ABCC5: variants seen among roughly 807,000 people sequenced by gnomAD.
ABCC5 encodes ATP binding cassette subfamily C member 5.
ABCC5 carries 61 observed loss-of-function variants against 160.9 expected under a neutral mutation model. The observed-to-expected ratio is 0.38, with a 90% CI of 0.31 to 0.47. The LOEUF (loss-of-function observed/expected upper bound fraction) is 0.47. ABCC5 is among the 20% of genes least tolerant of loss of function. ABCC5 has a pLI of 0.99. For synonymous variants in ABCC5, 666 were observed against 700.6 expected (o/e 0.95, Z 0.78); for missense variants, 1,308 against 1,813.3 (o/e 0.72, Z 5.06).
chr3:183,950,275 T>G lies in ABCC5; in HGVS notation c.2945-150A>C. 3 of 930,946 alleles carry G rather than the reference T, an allele frequency of 3.2e-6. No homozygotes were observed. In the South Asian group the frequency reaches 6.9e-5, roughly 21 times the overall value. The allele number at this position is 930,946 out of a possible 1,614,324, so 57.7% of individuals were successfully genotyped here. Reference sequence around the variant, plus strand: ...CTGATCAAAGAAAAATTTAGAAACCTGGATGCTCTGATTTTTTTTTTTCGT... The same window carrying G: ...CTGATCAAAGAAAAATTTAGAAACCGGGATGCTCTGATTTTTTTTTTTCGT... On this transcript the variant is annotated intron_variant, in intron 20 of 29. Coordinates refer to ENST00000334444, the MANE Select transcript of ABCC5 (RefSeq NM_005688.4).
chr3:183,984,094 A>C (rs1473960471), intron 5 of ABCC5: 3 of 985,458 alleles, frequency 3.0e-6, no homozygotes, highest in Non-Finnish European at 3.6e-6. Flanking sequence ...AGGAAAGAGA[A>C]TTAAAAACAA....
intron 10 of ABCC5, among the ~76,000 whole-genome samples, chr3:183,974,389 C>T (rs1718032895): frequency 6.6e-6 from 1 of 152,174 alleles, no homozygotes; most frequent in Non-Finnish European, 1.5e-5. Context: ...CTCACTGCAA[C>T]CTCTGCCTCC....
intron 2 of ABCC5, among the ~76,000 whole-genome samples, chr3:183,996,399 A>G (rs1222867946): frequency 3.9e-5 from 6 of 152,242 alleles, no homozygotes; most frequent in Non-Finnish European, 7.3e-5. Flanking sequence ...AAACCTATTC[A>G]TAGAAAACTA....
At chr3:183,926,860 C>G (rs776405346) in intron 28 of ABCC5, among the ~76,000 whole-genome samples, 37 of 151,822 alleles carry the variant, frequency 2.4e-4, no homozygotes, top group Non-Finnish European at 2.1e-4. Flanking sequence ...TCCTGGCCAA[C>G]ATGGTGAAAC....
intron 17 of ABCC5, among the ~76,000 whole-genome samples, chr3:183,954,616 T>C (rs945431360): frequency 1.3e-5 from 2 of 152,220 alleles, no homozygotes. Context: ...ACTGGCTGGC[T>C]GCTGGAGGAG....
rs1293580139 is a variant in ABCC5 at position 183,957,776 on chromosome 3, GTA to G, written c.2482+1955_2482+1956del. ...CGTGTGTATATCACATCGGTTACAC[GTA>G]AATCCGTGTGTATATCACATCGGTT... On this transcript the variant is annotated intron_variant, in intron 17 of 29. Coordinates refer to ENST00000334444, the MANE Select transcript of ABCC5 (RefSeq NM_005688.4). Among the ~76,000 whole-genome samples, 1,138 of 145,662 alleles carry G rather than the reference GTA, an allele frequency of 7.8e-3. 1 individual carries two copies. The highest frequency in any genetic ancestry group is 0.011 in the African/African-American group (431 of 39,542).
At chr3:183,967,190 C>G (rs1717301454) in intron 12 of ABCC5, 1 of 169,430 alleles carries the variant, frequency 5.9e-6, no homozygotes, top group Admixed American at 5.8e-5. Context: ...GCCTTGCTCC[C>G]CACTGGACCA....
rs1713908170 is a variant in ABCC5, at chr3:183,937,953, T to C, written c.3802A>G (p.Ser1268Gly). ...TCTTGAGGAATGATAGAGAGTTTGCTTCGGAGGTCGGCAAGGCCAATATCA... is the reference window on the plus strand; with the variant it reads ...TCTTGAGGAATGATAGAGAGTTTGCCTCGGAGGTCGGCAAGGCCAATATCA... ...ISDIGLADLRSKLSIIPQEPV... is the reference protein window; with the variant it reads ...ISDIGLADLRGKLSIIPQEPV... The change falls in exon 26 of 30, where the codon AGC (serine) becomes GGC (glycine). Residue 1268 changes from serine to glycine, a missense_variant. This residue lies in a region of ABCC5 where 163 missense variants were observed against 269.7 expected (regional missense o/e 0.60). Coordinates refer to ENST00000334444, the MANE Select transcript of ABCC5 (RefSeq NM_005688.4). 5.0e-6 allele frequency: 8 copies of C among 1,614,186 alleles called. No homozygotes were observed. Among genetic ancestry groups the C allele is most frequent in the Non-Finnish European group, 5.1e-6 (6 of 1,180,028 alleles).
Position 184,014,308 on chromosome 3 carries a change from T to A in ABCC5, c.85A>T (p.Thr29Ser). 1 of 1,614,144 alleles carries A rather than the reference T, an allele frequency of 6.2e-7. No homozygotes were observed. Among genetic ancestry groups the A allele is most frequent in the Non-Finnish European group, 8.5e-7 (1 of 1,180,010 alleles). ...SVRERTSTSG[T>S]HRDREDSKFR... ...TTGGAATCTTCACGGTCTCTGTGCG[T>A]CCCAGAAGTGCTGGTTCTCTCCCTC... Residue 29 changes from threonine (T) to serine (S), a missense_variant, in exon 2 of 30, where the codon ACG becomes TCG. Transcript: ENST00000334444.
chr3:183,984,964 C>T, intron 5 of ABCC5: 2 of 1,343,806 alleles, frequency 1.5e-6, no homozygotes, highest in Non-Finnish European at 2.1e-6. Flanking sequence ...TTTTTCAGCA[C>T]TGGGTAATAG....
chr3:183,940,122 G>T (rs919874548), intron 25 of ABCC5, among the ~76,000 whole-genome samples: 1 of 152,128 alleles, frequency 6.6e-6, no homozygotes, highest in Non-Finnish European at 1.5e-5. Flanking sequence ...TCTTCCTAAT[G>T]CAACAATCCT....
chr3:184,003,794 G>A (rs571950962), intron 2 of ABCC5, among the ~76,000 whole-genome samples: 7 of 152,276 alleles, frequency 4.6e-5, no homozygotes, highest in Non-Finnish European at 1.0e-4. Context: ...TAAATTCCAA[G>A]GAACTTATTC....
chr3:183,975,285 T>C (rs1473161634), intron 10 of ABCC5, among the ~76,000 whole-genome samples: 1 of 152,124 alleles, frequency 6.6e-6, no homozygotes, highest in Non-Finnish European at 1.5e-5. Context: ...AATAGACATC[T>C]GAAGATAAGA....
chr3:183,954,946 A>C (rs1197203096), intron 17 of ABCC5, among the ~76,000 whole-genome samples: 1 of 152,164 alleles, frequency 6.6e-6, no homozygotes, highest in East Asian at 1.9e-4. Flanking sequence ...CTTAAAGGTC[A>C]AAGGTGAATT....
chr3:183,985,877 A>G, intron 5 of ABCC5: 1 of 181,882 alleles, frequency 5.5e-6, no homozygotes, highest in Middle Eastern at 2.7e-3. Flanking sequence ...ACAGAACACA[A>G]CAACTTGACT....
intron 3 of ABCC5, 123 bp downstream of exon 3, chr3:183,989,103 G>A (rs886548175): frequency 1.5e-4 from 147 of 995,092 alleles, no homozygotes; most frequent in Middle Eastern, 2.8e-4. Flanking sequence ...CCCAGGAGGC[G>A]GAGGTTGCAG....
chr3:183,939,763 T>TG (rs1314164443), intron 25 of ABCC5, among the ~76,000 whole-genome samples: 8 of 152,232 alleles, frequency 5.3e-5, no homozygotes, highest in African/African-American at 1.7e-4. Flanking sequence ...TCTACCTTTC[T>TG]GCAACTTGGT....
chr3:183,946,958 A>G (rs1412130276), intron 23 of ABCC5, among the ~76,000 whole-genome samples: 3 of 152,212 alleles, frequency 2.0e-5, no homozygotes, highest in African/African-American at 4.8e-5. Flanking sequence ...AAGCATATTG[A>G]GTCTATAACA....
intron 2 of ABCC5, among the ~76,000 whole-genome samples, chr3:184,008,469 A>AAGAACTAACAGCAAC (rs2108918193): frequency 6.6e-6 from 1 of 152,338 alleles, no homozygotes; most frequent in South Asian, 2.1e-4. Context: ...CTCAGGCTCA[A>AAGAACTAACAGCAAC]AGAACTAACA....
Sources: allele counts gnomAD v4.1 joint callset (sites outside exome capture counted in the v4.1 genomes callset), GRCh38; gene constraint gnomAD v4.1.1; regional missense constraint gnomAD v4.1.1; transcripts MANE v1.5; gene names NCBI Gene and HGNC (gene_info 2026-07-23, HGNC 2026-07-21).